IMPG1: variants seen among roughly 807,000 people sequenced by gnomAD.
IMPG1 encodes the protein interphotoreceptor matrix proteoglycan of 150 kDa.
Under a neutral mutation model 92.0 loss-of-function variants are expected in IMPG1, and 85 were observed. The observed-to-expected ratio is 0.92, with a 90% CI of 0.78 to 1.11. IMPG1 has a LOEUF of 1.11. IMPG1 is among the 50% of genes least tolerant of loss of function. The probability of loss-of-function intolerance (pLI) is 0.00; values close to 1 mark genes in which losing one functional copy is unlikely to be tolerated. For missense variants in IMPG1, 1,022 were observed against 956.0 expected (o/e 1.07, Z -0.91); for synonymous variants, 367 against 334.1 (o/e 1.10, Z -1.08).
chr6:76,022,144 G>T lies in IMPG1; in HGVS notation c.638C>A (p.Thr213Lys). The T allele has an allele frequency of 6.3e-7, 1 of 1,592,568 alleles. No homozygotes were observed. Among genetic ancestry groups the T allele is most frequent in the Non-Finnish European group, 8.6e-7 (1 of 1,164,558 alleles). The change falls in exon 6 of 17, where the codon ACA (threonine) becomes AAA (lysine). Residue 213 changes from threonine (T) to lysine (K), a missense_variant. Coordinates refer to ENST00000369950, the MANE Select transcript of IMPG1 (RefSeq NM_001563.4). Reference sequence around the variant, plus strand: ...TGTAGGCATCTTGGTGTCGTTGAGTGTATTATCGAGAATTTCATTGAGGAG... The same window carrying T: ...TGTAGGCATCTTGGTGTCGTTGAGTTTATTATCGAGAATTTCATTGAGGAG... ...DTLLNEILDN[T>K]LNDTKMPTTE... is the part of the protein sequence containing the mutation.
In IMPG1 at chr6:75,959,062, G is replaced by T. The variant is rs115800918; in HGVS notation, c.1292-7968C>A. ...TTGGTGACATTCAGATGGGGTTTTT[G>T]TGTGGACGTCCTTTTTGTTGTTGTT... On this transcript the variant is annotated intron_variant, in intron 12 of 16. Coordinates refer to ENST00000369950, the MANE Select transcript of IMPG1 (RefSeq NM_001563.4). Among the ~76,000 whole-genome samples the T allele has an allele frequency of 9.7e-3, 1,477 of 152,204 alleles. 16 individuals are homozygous for T. Among genetic ancestry groups the T allele is most frequent in the African/African-American group, 0.034 (1,405 of 41,512 alleles).
At chr6:75,979,033 C>T (rs1433909991) in intron 12 of IMPG1, among the ~76,000 whole-genome samples, 1 of 152,132 alleles carries the variant, frequency 6.6e-6, no homozygotes, top group African/African-American at 2.4e-5. Context: ...CCACCCCAGC[C>T]TCCCAGGTAG....
intron 2 of IMPG1, among the ~76,000 whole-genome samples, chr6:76,035,031 TGC>T (rs974277923): frequency 2.0e-5 from 3 of 151,530 alleles, no homozygotes; most frequent in Admixed American, 6.6e-5. Flanking sequence ...TGTGTGTGTG[TGC>T]AAAACTGCAG....
Position 76,022,206 on chromosome 6 carries a change from G to A in IMPG1, c.576C>T (p.Val192=). ...TIVISTDVAN[V]SLGPFPLTPD... The stretch of plus-strand genomic sequence containing the variant: ...GAGTGAGAGGGAAAGGCCCAAGTGA[G>A]ACGTTGGCAACATCTGTGAAAATTT... The change falls in exon 6 of 17, where the codon GTC becomes GTT. Residue 192 remains valine, a synonymous_variant. Coordinates refer to ENST00000369950, the MANE Select transcript of IMPG1 (RefSeq NM_001563.4). 2.5e-6 allele frequency: 4 copies of A among 1,586,856 alleles called. No individual in the cohort carries two copies. The highest frequency in any genetic ancestry group is 3.4e-6 in the Non-Finnish European group (4 of 1,160,730).
intron 12 of IMPG1, among the ~76,000 whole-genome samples, chr6:75,989,939 C>T (rs1408686008): frequency 6.6e-6 from 1 of 152,136 alleles, no homozygotes; most frequent in Non-Finnish European, 1.5e-5. Flanking sequence ...TGTTAATTAG[C>T]TTGACTGTAG....
In IMPG1 at chr6:75,922,463, G is replaced by C. The variant is rs1216357745; in HGVS notation, c.2317-297C>G. ...CATCCAACCATAGTAGACACCATTA[G>C]TGTATTATAGCATGCTTCCTCAGGG... On this transcript the variant is annotated intron_variant, in intron 16 of 16. Coordinates refer to ENST00000369950, the MANE Select transcript of IMPG1 (RefSeq NM_001563.4). 2.0e-5 allele frequency among the ~76,000 whole-genome samples: 3 copies of C among 152,172 alleles called. No individual in the cohort carries two copies. In the East Asian group the frequency reaches 5.8e-4, roughly 29 times the overall value.
intron 12 of IMPG1, among the ~76,000 whole-genome samples, chr6:75,983,301 G>A (rs1782659628): frequency 6.6e-6 from 1 of 151,988 alleles, no homozygotes; most frequent in African/African-American, 2.4e-5. Flanking sequence ...CTAATAAAGG[G>A]ACAGTTTTGA....
Position 75,950,723 on chromosome 6 carries a change from C to A in IMPG1, c.1663G>T (p.Ala555Ser). The change falls in exon 13 of 17, where the codon GCT (alanine) becomes TCT (serine). Residue 555 changes from alanine to serine, a missense_variant. Ala to Ser is a moderately conservative substitution (Grantham distance 99, BLOSUM62 1). This residue lies in a region of IMPG1 where 332 missense variants were observed against 346.2 expected (regional missense o/e 0.96). Transcript: ENST00000369950. ...HFLEDTTPVS[A>S]LQYITTSSMT... ...GAACTAGTGGTGATATACTGTAAAG[C>A]TGAGACAGGAGTGGTATCCTCCAAG... The A allele has an allele frequency of 6.2e-7, 1 of 1,614,022 alleles. No individual in the cohort carries two copies. The highest frequency in any genetic ancestry group is 8.5e-7 in the Non-Finnish European group (1 of 1,179,928).
chr6:76,017,096 G>C (rs1187049127), intron 7 of IMPG1, among the ~76,000 whole-genome samples: 1 of 151,650 alleles, frequency 6.6e-6, no homozygotes, highest in African/African-American at 2.4e-5. Flanking sequence ...GACAGCACAT[G>C]TAAAGGCTAA....
intron 14 of IMPG1, among the ~76,000 whole-genome samples, chr6:75,946,860 T>C (rs761483900): frequency 6.6e-6 from 1 of 152,076 alleles, no homozygotes; most frequent in Admixed American, 6.5e-5. Flanking sequence ...ATGCTGTCTC[T>C]GATCCTGAAT....
intron 14 of IMPG1, among the ~76,000 whole-genome samples, chr6:75,943,206 C>T (rs1227515459): frequency 6.6e-6 from 1 of 152,124 alleles, no homozygotes; most frequent in Non-Finnish European, 1.5e-5. Context: ...CCTCACCCCC[C>T]AATGGTAGCT....
At chr6:75,976,780 CA>C (rs937126430) in intron 12 of IMPG1, among the ~76,000 whole-genome samples, 1 of 151,840 alleles carries the variant, frequency 6.6e-6, no homozygotes, top group African/African-American at 2.4e-5. Flanking sequence ...GGCGTGGTGG[CA>C]GGCACCTGCA....
At chr6:76,072,325 GTGAGATCAATTGGTAGCCT>G in intron 1 of IMPG1, 78 bp downstream of exon 1, 4 of 648,872 alleles carry the variant, frequency 6.2e-6, no homozygotes, top group Non-Finnish European at 1.1e-5. Context: ...ATACTAGCCC[GTGAGATCAATTGGTAGCCT>G]TGTTGGTTCT....
chr6:76,067,837 C>T (rs141156450), intron 1 of IMPG1, among the ~76,000 whole-genome samples: 193 of 152,192 alleles, frequency 1.3e-3, no homozygotes, highest in African/African-American at 4.5e-3. Context: ...AAGACAATAA[C>T]CATAATCAGA....
chr6:75,928,716 T>C (rs1447448782), intron 15 of IMPG1: 2 of 152,230 alleles, frequency 1.3e-5, no homozygotes, highest in Non-Finnish European at 2.9e-5. Flanking sequence ...ACTGGAGTGA[T>C]AGTTGTGTAT....
chr6:75,938,340 G>A (rs562544712), intron 14 of IMPG1, among the ~76,000 whole-genome samples: 1 of 152,304 alleles, frequency 6.6e-6, no homozygotes, highest in South Asian at 2.1e-4. Context: ...TTCAAAAGTG[G>A]TTGTGGAATA....
At chr6:75,923,813 T>C in intron 15 of IMPG1, 107 bp from the exon 16 acceptor site, 1 of 638,202 alleles carries the variant, frequency 1.6e-6, no homozygotes, top group Middle Eastern at 2.7e-4. Context: ...CAAGTGAAAA[T>C]AGATAGCATA....
chr6:75,943,154 C>T (rs533797951), intron 14 of IMPG1, among the ~76,000 whole-genome samples: 1 of 152,258 alleles, frequency 6.6e-6, no homozygotes, highest in East Asian at 1.9e-4. Context: ...GTGCACCTGA[C>T]TACCACGTGC....
rs893951949 is a variant in IMPG1 at position 75,948,210 on chromosome 6, G to A, written c.1825-677C>T. 4.6e-5 allele frequency among the ~76,000 whole-genome samples: 7 copies of A among 152,188 alleles called. No homozygotes were observed. In the East Asian group the frequency reaches 7.7e-4, roughly 17 times the overall value. ...GGAAGAACAAAAAGTGGCTCCCAGC[G>A]AGCCGTTTCCAAACTATCATAATCT... On this transcript the variant is annotated intron_variant, in intron 13 of 16. Transcript: ENST00000369950.
Sources: allele counts gnomAD v4.1 joint callset (sites outside exome capture counted in the v4.1 genomes callset), GRCh38; gene constraint gnomAD v4.1.1; regional missense constraint gnomAD v4.1.1; transcripts MANE v1.5; gene names NCBI Gene and HGNC (gene_info 2026-07-23, HGNC 2026-07-21).